The following ADORA2B variants were observed in gnomAD, a reference collection of about 807,000 sequenced individuals.
ADORA2B encodes adenosine receptor A2b.
In ADORA2B, 18 loss-of-function variants were observed where a neutral mutation model predicts 20.8. That is an observed-to-expected ratio of 0.87 (90% CI 0.60 to 1.29). The LOEUF (loss-of-function observed/expected upper bound fraction) is 1.29, where lower values mean the gene tolerates loss of function less well. ADORA2B is among the 50% of genes most tolerant of loss of function. The pLI is 0.00. For missense variants in ADORA2B, 441 were observed against 422.7 expected (o/e 1.04, Z -0.38); for synonymous variants, 179 against 178.3 (o/e 1.00, Z -0.03).
chr17:15,862,806 C>CTT, the ADORA2B span, among the ~76,000 whole-genome samples: 3 of 137,918 alleles, frequency 2.2e-5, no homozygotes, highest in South Asian at 2.3e-4. Context: ...GGAGTAATAG[C>CTT]TTTTTTTTTT....
At position 15,972,631 on chromosome 17, in the gene ADORA2B, T is replaced by C. The variant is rs565678960; in HGVS notation, c.336-2048T>C. Among the ~76,000 whole-genome samples the C allele has an allele frequency of 8.4e-4, 128 of 152,320 alleles. 1 individual carries two copies. The highest frequency in any genetic ancestry group is 6.8e-3 in the Middle Eastern group (2 of 294). On this transcript the variant is annotated intron_variant, in intron 1 of 1. Coordinates refer to ENST00000304222, the MANE Select transcript of ADORA2B (RefSeq NM_000676.4). ...CCATTCTCTTGCCCCATAACTCACT[T>C]GTCATAGAGCCTGCTTATCTGATAC...
the ADORA2B span, among the ~76,000 whole-genome samples, chr17:15,928,672 T>C: frequency 6.6e-6 from 1 of 152,110 alleles, no homozygotes; most frequent in Non-Finnish European, 1.5e-5. Context: ...AGTCTCAGCC[T>C]TGGCCAGGAC....
intron 1 of ADORA2B, among the ~76,000 whole-genome samples, chr17:15,972,807 C>T (rs1262100374): frequency 5.3e-5 from 8 of 152,112 alleles, no homozygotes; most frequent in Non-Finnish European, 1.2e-4. Context: ...GGCTGGAGTG[C>T]AGTGGTGCAA....
chr17:15,968,807 T>C (rs1970151430), intron 1 of ADORA2B, among the ~76,000 whole-genome samples: 1 of 152,044 alleles, frequency 6.6e-6, no homozygotes, highest in Non-Finnish European at 1.5e-5. Context: ...TGATGAGATG[T>C]GAGGGGTCCA....
Position 15,945,440 on chromosome 17 carries a change from C to A in ADORA2B, c.192C>A (p.Ala64=). The A allele has an allele frequency of 6.2e-7, 1 of 1,613,768 alleles. No homozygotes were observed. Among genetic ancestry groups the A allele is most frequent in the South Asian group, 1.1e-5 (1 of 91,076 alleles). The change falls in exon 1 of 2, where the codon GCC becomes GCA. Residue 64 remains alanine, a synonymous_variant. Coordinates refer to ENST00000304222, the MANE Select transcript of ADORA2B (RefSeq NM_000676.4). ...VAVGLFAIPF[A]ITISLGFCTD... Reference sequence around the variant, plus strand: ...TGGGGCTCTTCGCCATCCCCTTTGCCATCACCATCAGCCTGGGCTTCTGCA... The same window carrying A: ...TGGGGCTCTTCGCCATCCCCTTTGCAATCACCATCAGCCTGGGCTTCTGCA...
the ADORA2B span, among the ~76,000 whole-genome samples, chr17:15,931,823 C>T: frequency 1.3e-5 from 2 of 152,086 alleles, no homozygotes; most frequent in African/African-American, 4.8e-5. Context: ...CTGCTGCCTC[C>T]CGGGTTCAAG....
chr17:15,907,228 A>G, the ADORA2B span, among the ~76,000 whole-genome samples: 1 of 151,288 alleles, frequency 6.6e-6, no homozygotes, highest in Admixed American at 6.6e-5. Context: ...TTTTTTTTTA[A>G]TTGTTCTAGG....
the ADORA2B span, among the ~76,000 whole-genome samples, chr17:15,921,414 T>C: frequency 6.6e-6 from 1 of 152,184 alleles, no homozygotes; most frequent in Admixed American, 6.5e-5. Flanking sequence ...ATTATCTCCT[T>C]TGAAAGTGAA....
chr17:15,915,077 CTG>C, the ADORA2B span, among the ~76,000 whole-genome samples: 94 of 152,338 alleles, frequency 6.2e-4, no homozygotes, highest in African/African-American at 5.1e-4. Flanking sequence ...CATAGCCTCA[CTG>C]TGTTAAAATC....
the ADORA2B span, among the ~76,000 whole-genome samples, chr17:15,927,966 C>T: frequency 5.9e-5 from 9 of 152,086 alleles, no homozygotes; most frequent in East Asian, 3.9e-4. Flanking sequence ...GGGACTACAG[C>T]GCCCGCCACC....
the ADORA2B span, among the ~76,000 whole-genome samples, chr17:15,862,132 C>A: frequency 6.6e-6 from 1 of 151,420 alleles, no homozygotes; most frequent in Admixed American, 6.6e-5. Context: ...TCAAAACTTT[C>A]ATGAAGTTAT....
chr17:15,969,422 C>T (rs1042766558), intron 1 of ADORA2B, among the ~76,000 whole-genome samples: 1 of 152,162 alleles, frequency 6.6e-6, no homozygotes, highest in Non-Finnish European at 1.5e-5. Flanking sequence ...CATTGCACTG[C>T]AGCCCTGGCG....
At chr17:15,924,201 C>T in the ADORA2B span, among the ~76,000 whole-genome samples, 3 of 152,234 alleles carry the variant, frequency 2.0e-5, no homozygotes, top group African/African-American at 4.8e-5. Context: ...GCATGAGCTA[C>T]TGCACCCAGC....
At chr17:15,895,362 G>T in the ADORA2B span, among the ~76,000 whole-genome samples, 24 of 152,148 alleles carry the variant, frequency 1.6e-4, no homozygotes, top group Non-Finnish European at 3.2e-4. Context: ...TGTTGGTGAA[G>T]CAGGCTGGAC....
the ADORA2B span, among the ~76,000 whole-genome samples, chr17:15,878,485 A>G: frequency 6.6e-6 from 1 of 152,250 alleles, no homozygotes; most frequent in Non-Finnish European, 1.5e-5. Context: ...TGTGATATGC[A>G]TTGTCGTCAT....
At chr17:15,867,786 G>A in the ADORA2B span, among the ~76,000 whole-genome samples, 2 of 150,566 alleles carry the variant, frequency 1.3e-5, no homozygotes, top group South Asian at 4.2e-4. Context: ...CGCCCCGTCC[G>A]GGAGGTGAGG....
the ADORA2B span, among the ~76,000 whole-genome samples, chr17:15,858,312 A>G: frequency 6.6e-6 from 1 of 151,998 alleles, no homozygotes; most frequent in Admixed American, 6.6e-5. Context: ...GTGAGGTGGC[A>G]TGTCACTGTG....
the ADORA2B span, chr17:15,863,929 T>G: frequency 2.6e-5 from 4 of 152,290 alleles, no homozygotes; most frequent in Non-Finnish European, 5.9e-5. Flanking sequence ...CTAATGTGGT[T>G]GTTTCTTCAG....
At chr17:15,899,216 C>T in the ADORA2B span, among the ~76,000 whole-genome samples, 1 of 151,068 alleles carries the variant, frequency 6.6e-6, no homozygotes, top group African/African-American at 2.4e-5. Flanking sequence ...GGTGACAGAG[C>T]GAGACTCTGT....
Sources: allele counts gnomAD v4.1 joint callset (sites outside exome capture counted in the v4.1 genomes callset), GRCh38; gene constraint gnomAD v4.1.1; transcripts MANE v1.5; gene names NCBI Gene and HGNC (gene_info 2026-07-23, HGNC 2026-07-21).